Variants in CEP162 observed in about 807,000 individuals in gnomAD.
CEP162 encodes centrosomal protein 162.
CEP162 carries 141 observed loss-of-function variants against 169.2 expected under a neutral mutation model. The observed-to-expected ratio is 0.83, with a 90% CI of 0.73 to 0.96. The LOEUF (loss-of-function observed/expected upper bound fraction) is 0.96. Among genes scored for constraint, CEP162 ranks in the 40% least tolerant of loss-of-function variants. The pLI, the probability that CEP162 is intolerant of heterozygous loss-of-function variation, is 0.00. For missense variants in CEP162, 1,600 were observed against 1,587.2 expected (o/e 1.01, Z -0.14); for synonymous variants, 540 against 526.4 (o/e 1.03, Z -0.35).
chr6:84,172,963 A>G (rs1160394213), intron 16 of CEP162, among the ~76,000 whole-genome samples: 2 of 152,216 alleles, frequency 1.3e-5, no homozygotes, highest in Admixed American at 6.5e-5. Flanking sequence ...ACACCAAGAT[A>G]CCAAGATGTC....
chr6:84,147,678 T>C (rs2099519514), intron 24 of CEP162, among the ~76,000 whole-genome samples: 1 of 152,138 alleles, frequency 6.6e-6, no homozygotes, highest in African/African-American at 2.4e-5. Context: ...GAAAAAGTCC[T>C]TTTAAAATAA....
intron 2 of CEP162, among the ~76,000 whole-genome samples, chr6:84,221,546 C>T (rs1419233008): frequency 2.0e-5 from 3 of 152,006 alleles, no homozygotes; most frequent in South Asian, 2.1e-4. Flanking sequence ...ACTCTAGAAA[C>T]AGAATTTCAA....
At chr6:84,195,141 AATATCATTCCT>A in intron 9 of CEP162, 66 bp from the exon 10 acceptor site, 1 of 1,241,984 alleles carries the variant, frequency 8.1e-7, no homozygotes, top group East Asian at 2.5e-5. Flanking sequence ...ATAAAACACT[AATATCATTCCT>A]TAACCTGTTA....
chr6:84,183,931 T>C (rs1235747215), intron 13 of CEP162, among the ~76,000 whole-genome samples: 2 of 152,108 alleles, frequency 1.3e-5, no homozygotes, highest in Admixed American at 1.3e-4. Context: ...CCAAAACACC[T>C]TTGCCTAATC....
At chr6:84,196,225 A>C (rs925721890) in intron 9 of CEP162, among the ~76,000 whole-genome samples, 1 of 152,178 alleles carries the variant, frequency 6.6e-6, no homozygotes, top group African/African-American at 2.4e-5. Context: ...ATGATAGTGA[A>C]CGAGTCTCAT....
intron 21 of CEP162, among the ~76,000 whole-genome samples, 156 bp downstream of exon 21, chr6:84,160,656 G>GCTTTATGTATATAAAGCA (rs1373995147): frequency 6.6e-6 from 1 of 152,110 alleles, no homozygotes; most frequent in African/African-American, 2.4e-5. Flanking sequence ...AAAGCTGTAG[G>GCTTTATGTATATAAAGCA]TATATAAAAT....
chr6:84,175,179 A>T (rs1188875789), intron 14 of CEP162, 35 bp downstream of exon 14: 1 of 1,365,804 alleles, frequency 7.3e-7, no homozygotes, highest in Non-Finnish European at 9.9e-7. Flanking sequence ...ATTTTAGAAC[A>T]TAAAACATTA....
rs2099508128 is a variant in CEP162 at position 84,124,427 on chromosome 6, C to T, written c.*643G>A. On this transcript the variant is annotated 3_prime_UTR_variant, in exon 27 of 27. Coordinates refer to ENST00000403245, the MANE Select transcript of CEP162 (RefSeq NM_014895.4). Reference sequence around the variant, plus strand: ...AATGAAATCATGTCATTTGCAGCAACATGGATAGAGCTGGAGGCCATTATC... The same window carrying T: ...AATGAAATCATGTCATTTGCAGCAATATGGATAGAGCTGGAGGCCATTATC... 6.6e-6 allele frequency: 1 copy of T among 152,220 alleles called. No homozygotes were observed. The highest frequency in any genetic ancestry group is 2.1e-4 in the South Asian group (1 of 4,822). 9.4% of individuals were successfully genotyped at this position (152,220 alleles called of 1,614,324 possible).
At chr6:84,155,890 C>T (rs1488968395) in intron 21 of CEP162, among the ~76,000 whole-genome samples, 1 of 152,094 alleles carries the variant, frequency 6.6e-6, no homozygotes, top group African/African-American at 2.4e-5. Context: ...TCCTACAATT[C>T]ATACGGAACC....
chr6:84,226,675 GT>G (rs1333650859), intron 1 of CEP162, among the ~76,000 whole-genome samples: 3 of 152,180 alleles, frequency 2.0e-5, no homozygotes, highest in African/African-American at 7.2e-5. Context: ...GTTTTCATCT[GT>G]TAACATCCAA....
At chr6:84,163,044 G>T in intron 19 of CEP162, 100 bp downstream of exon 19, 1 of 1,092,718 alleles carries the variant, frequency 9.2e-7, no homozygotes, top group Non-Finnish European at 1.3e-6. Flanking sequence ...TATACTTCAA[G>T]GAGTAGCATT....
intron 1 of CEP162, 114 bp downstream of exon 1, chr6:84,227,466 C>A (rs892408702): frequency 6.6e-6 from 1 of 152,148 alleles, no homozygotes; most frequent in Non-Finnish European, 1.5e-5. Flanking sequence ...GCCGTGGGCT[C>A]CGGGCGGAGA....
intron 18 of CEP162, among the ~76,000 whole-genome samples, chr6:84,164,720 A>G (rs552136446): frequency 2.1e-3 from 317 of 152,210 alleles, no homozygotes; most frequent in African/African-American, 7.5e-3. Context: ...AGGGGAGGAG[A>G]GAATTAGGAC....
At position 84,136,426 on chromosome 6, in the gene CEP162, T is replaced by TCC. The variant is rs2099514118; in HGVS notation, c.3871-9915_3871-9914insGG. On this transcript the variant is annotated intron_variant, in intron 25 of 26. Transcript: ENST00000403245. ...AGGGAATGAGAACCACTGAACTTATTCTTCTATCATGAGCCCACTCCTGTG... is the reference window on the plus strand; with the variant it reads ...AGGGAATGAGAACCACTGAACTTATTCCCTTCTATCATGAGCCCACTCCTGTG... Among the ~76,000 whole-genome samples the TCC allele has an allele frequency of 3.3e-5, 5 of 152,298 alleles. No individual in the cohort carries two copies. The South Asian group carries it at 1.0e-3, about 32-fold the overall frequency.
chr6:84,149,749 A>G, intron 23 of CEP162, 46 bp from the exon 24 acceptor site: 1 of 1,429,420 alleles, frequency 7.0e-7, no homozygotes, highest in Non-Finnish European at 9.2e-7. Context: ...TGGCTCTTCA[A>G]CCTCTAATTC....
At chr6:84,189,446 T>C (rs189294828) in intron 11 of CEP162, among the ~76,000 whole-genome samples, 3 of 152,242 alleles carry the variant, frequency 2.0e-5, no homozygotes, top group African/African-American at 7.2e-5. Context: ...ATGGGGTTGG[T>C]GGGCCCCGCA....
At chr6:84,189,973 G>A (rs1271614438) in intron 11 of CEP162, among the ~76,000 whole-genome samples, 1 of 152,098 alleles carries the variant, frequency 6.6e-6, no homozygotes, top group Non-Finnish European at 1.5e-5. Context: ...AGGACGTGGA[G>A]AGTCTTTATA....
chr6:84,132,930 G>A (rs998918163), intron 25 of CEP162, among the ~76,000 whole-genome samples: 1 of 152,050 alleles, frequency 6.6e-6, no homozygotes, highest in Admixed American at 6.5e-5. Context: ...GAGGAGAAGA[G>A]GCACTCTGAT....
intron 6 of CEP162, among the ~76,000 whole-genome samples, chr6:84,211,440 T>C (rs981698381): frequency 1.4e-5 from 2 of 142,030 alleles, no homozygotes; most frequent in African/African-American, 5.4e-5. Flanking sequence ...GGCAGCAGAA[T>C]GGCATGAGCC....
Sources: gnomAD v4.1 joint callset for allele counts (sites outside exome capture counted in the v4.1 genomes callset) on GRCh38, gnomAD v4.1.1 for gene constraint, MANE v1.5 for transcripts, NCBI Gene and HGNC (gene_info 2026-07-23, HGNC 2026-07-21) for gene names.